Variants in LPAR1 observed in about 807,000 individuals in gnomAD.
LPAR1 encodes lysophosphatidic acid receptor 1.
In LPAR1, 5 loss-of-function variants were observed where a neutral mutation model predicts 23.8. The ratio of observed to expected loss-of-function variants is 0.21; its 90% CI spans 0.11 to 0.44. The LOEUF is 0.44. LPAR1 is among the 20% of genes least tolerant of loss of function. LPAR1 has a pLI of 0.99. For synonymous variants in LPAR1, 160 were observed against 164.7 expected (o/e 0.97, Z 0.22); for missense variants, 311 against 482.8 (o/e 0.64, Z 3.33).
chr9:111,013,372 A>T (rs1350576777), intron 2 of LPAR1, among the ~76,000 whole-genome samples: 2 of 152,188 alleles, frequency 1.3e-5, no homozygotes, highest in African/African-American at 4.8e-5. Context: ...GACCCTCACC[A>T]TGTGGTAAGA....
At chr9:110,905,017 G>T (rs1464897736) in intron 5 of LPAR1, among the ~76,000 whole-genome samples, 2 of 152,138 alleles carry the variant, frequency 1.3e-5, no homozygotes, top group African/African-American at 4.8e-5. Flanking sequence ...CCACTTAGAG[G>T]AATTATTCAT....
rs2078678455 is a variant in LPAR1 at position 110,874,369 on chromosome 9, T to A, written c.*1052A>T. The A allele has an allele frequency of 6.6e-6, 1 of 152,626 alleles. No individual in the cohort carries two copies. The highest frequency in any genetic ancestry group is 6.5e-5 in the Admixed American group (1 of 15,274). 9.5% of individuals were successfully genotyped at this position (152,626 alleles called of 1,614,324 possible). A position where few individuals can be genotyped will look rare whatever the true frequency, so the allele number is the denominator to read the frequency against. The stretch of plus-strand genomic sequence containing the variant: ...TTTTGCAATGAAAAAGATCTACTTA[T>A]AAAACTGTTTACAGTATGACTCCAA... On this transcript the variant is annotated 3_prime_UTR_variant, in exon 6 of 6. Transcript: ENST00000683809.
chr9:110,921,684 G>A (rs1274776407), intron 5 of LPAR1, among the ~76,000 whole-genome samples: 1 of 152,204 alleles, frequency 6.6e-6, no homozygotes. Context: ...AAGAAAAGGA[G>A]CGATGAGATG....
intron 5 of LPAR1, among the ~76,000 whole-genome samples, chr9:110,925,355 C>A (rs1284227737): frequency 6.6e-6 from 1 of 151,906 alleles, no homozygotes; most frequent in Non-Finnish European, 1.5e-5. Flanking sequence ...GCTGAAAAAC[C>A]ACTTATCATT....
At position 110,957,463 on chromosome 9, in the gene LPAR1, A is replaced by G. The variant is rs570463444; in HGVS notation, c.45+14610T>C. ...TGCAAATCAATAAACACAATACATC[A>G]TATTAACAGAACGAAGAATAAATAC... On this transcript the variant is annotated intron_variant, in intron 4 of 5. Transcript: ENST00000683809. Among the ~76,000 whole-genome samples the G allele has an allele frequency of 1.8e-4, 28 of 152,298 alleles. No homozygotes were observed. In the South Asian group the frequency reaches 5.8e-3, roughly 32 times the overall value.
chr9:110,929,368 T>C (rs1156324334), intron 5 of LPAR1, among the ~76,000 whole-genome samples: 4 of 152,100 alleles, frequency 2.6e-5, no homozygotes, highest in African/African-American at 9.7e-5. Context: ...ATTGTTTATA[T>C]GAAAAAAACA....
At chr9:111,020,332 G>C (rs900008691) in intron 2 of LPAR1, among the ~76,000 whole-genome samples, 1 of 152,198 alleles carries the variant, frequency 6.6e-6, no homozygotes, top group African/African-American at 2.4e-5. Flanking sequence ...AATCAGATGA[G>C]AATTTGTGAT....
intron 2 of LPAR1, among the ~76,000 whole-genome samples, chr9:111,012,071 G>A (rs976285277): frequency 9.2e-5 from 14 of 152,096 alleles, no homozygotes; most frequent in African/African-American, 1.2e-4. Flanking sequence ...ACAACATAGC[G>A]AGACCCTGTC....
intron 4 of LPAR1, chr9:110,945,286 G>A (rs1016660301): frequency 3.9e-5 from 6 of 152,130 alleles, no homozygotes; most frequent in Non-Finnish European, 7.3e-5. Flanking sequence ...TGGACTATAG[G>A]CCAATAAGAT....
chr9:111,004,795 C>G (rs1394617872), intron 2 of LPAR1, among the ~76,000 whole-genome samples: 1 of 152,204 alleles, frequency 6.6e-6, no homozygotes, highest in Non-Finnish European at 1.5e-5. Flanking sequence ...TCCACAGACA[C>G]TTATAGTCTG....
Position 110,911,538 on chromosome 9 carries a change from T to C in LPAR1, c.793+29883A>G, listed in dbSNP as rs138578113. 6.5e-3 allele frequency among the ~76,000 whole-genome samples: 981 copies of C among 151,598 alleles called. 1 individual carries two copies. Among genetic ancestry groups the C allele is most frequent in the Non-Finnish European group, 8.6e-3 (582 of 67,964 alleles). On this transcript the variant is annotated intron_variant, in intron 5 of 5. Transcript: ENST00000683809. ...GCCTGGGTGACAGAGGAAGATCCTA[T>C]CTAAAAAAATAGTGGAGGATTTGAA...
intron 2 of LPAR1, among the ~76,000 whole-genome samples, chr9:110,979,698 A>T (rs1195706121): frequency 1.3e-5 from 2 of 152,188 alleles, no homozygotes; most frequent in Non-Finnish European, 2.9e-5. Flanking sequence ...GCTAGAAGAC[A>T]ATGAAGCAAT....
At chr9:110,907,272 G>A (rs372732672) in intron 5 of LPAR1, among the ~76,000 whole-genome samples, 18 of 152,212 alleles carry the variant, frequency 1.2e-4, no homozygotes, top group South Asian at 6.2e-4. Context: ...AATGTATGGC[G>A]AACAACCTAG....
intron 5 of LPAR1, among the ~76,000 whole-genome samples, chr9:110,901,439 A>G (rs141799610): frequency 6.6e-6 from 1 of 152,330 alleles, no homozygotes; most frequent in African/African-American, 2.4e-5. Flanking sequence ...TAATTTATAA[A>G]GGAAACAGGT....
intron 2 of LPAR1, among the ~76,000 whole-genome samples, chr9:111,006,886 C>T (rs2097227951): frequency 6.6e-6 from 1 of 151,958 alleles, no homozygotes; most frequent in Non-Finnish European, 1.5e-5. Context: ...GAAATGTAAT[C>T]CCCAGTGTTA....
At chr9:110,996,664 C>CT (rs2097015755) in intron 2 of LPAR1, among the ~76,000 whole-genome samples, 2 of 152,242 alleles carry the variant, frequency 1.3e-5, no homozygotes, top group African/African-American at 4.8e-5. Flanking sequence ...TGGCAAGTCT[C>CT]TAAATCTTTT....
intron 5 of LPAR1, among the ~76,000 whole-genome samples, chr9:110,928,910 G>T (rs1191846470): frequency 1.3e-5 from 2 of 152,200 alleles, no homozygotes; most frequent in African/African-American, 4.8e-5. Flanking sequence ...CAAGAGAAAG[G>T]AAAATAACTT....
intron 2 of LPAR1, among the ~76,000 whole-genome samples, chr9:111,000,644 G>A (rs1224324599): frequency 1.3e-5 from 2 of 152,162 alleles, no homozygotes; most frequent in African/African-American, 4.8e-5. Flanking sequence ...GCAGGAACCT[G>A]TGCAGCTAGT....
chr9:110,880,084 G>A (rs2080302139), intron 5 of LPAR1, among the ~76,000 whole-genome samples: 1 of 152,156 alleles, frequency 6.6e-6, no homozygotes, highest in African/African-American at 2.4e-5. Context: ...CTCACAGCAC[G>A]CTGAACAAAA....
Sources: gnomAD v4.1 joint callset for allele counts (sites outside exome capture counted in the v4.1 genomes callset) on GRCh38, gnomAD v4.1.1 for gene constraint, MANE v1.5 for transcripts, NCBI Gene and HGNC (gene_info 2026-07-23, HGNC 2026-07-21) for gene names.